GAS2L3: variants seen among roughly 807,000 people sequenced by gnomAD.
GAS2L3 encodes the protein growth arrest specific 2 like 3, also known as GAS2-like protein 3.
In GAS2L3, 28 loss-of-function variants were observed where a neutral mutation model predicts 37.0. The ratio of observed to expected loss-of-function variants is 0.76; its 90% CI spans 0.56 to 1.04. The LOEUF (loss-of-function observed/expected upper bound fraction) is 1.04. Among genes scored for constraint, GAS2L3 ranks in the 50% least tolerant of loss-of-function variants. The pLI is 0.00. For synonymous variants in GAS2L3, 290 were observed against 296.6 expected, an observed-to-expected ratio of 0.98 and a Z score of 0.23; for missense variants, 793 against 817.6, an observed-to-expected ratio of 0.97 and a Z score of 0.37.
intron 1 of GAS2L3, among the ~76,000 whole-genome samples, chr12:100,580,946 G>C (rs1291015248): frequency 6.6e-6 from 1 of 152,104 alleles, no homozygotes; most frequent in Admixed American, 6.5e-5. Flanking sequence ...AAAAATCACC[G>C]ACACACTACT....
chr12:100,594,524 C>T (rs1955886426), intron 2 of GAS2L3, among the ~76,000 whole-genome samples: 1 of 151,890 alleles, frequency 6.6e-6, no homozygotes, highest in Non-Finnish European at 1.5e-5. Flanking sequence ...TTTATATTTA[C>T]ATTATATTCA....
At chr12:100,577,851 A>C (rs965500985) in intron 1 of GAS2L3, among the ~76,000 whole-genome samples, 1 of 152,256 alleles carries the variant, frequency 6.6e-6, no homozygotes, top group African/African-American at 2.4e-5. Flanking sequence ...GTGGATCAGC[A>C]AGTGCGAAGA....
At chr12:100,598,734 A>T (rs1054699787) in intron 3 of GAS2L3, among the ~76,000 whole-genome samples, 2 of 152,186 alleles carry the variant, frequency 1.3e-5, no homozygotes, top group Non-Finnish European at 2.9e-5. Flanking sequence ...CAGTTCAGCC[A>T]GTAGAAGTCC....
At chr12:100,574,092 C>T (rs1362603860) in intron 1 of GAS2L3, 1 of 152,346 alleles carries the variant, frequency 6.6e-6, no homozygotes, top group African/African-American at 2.4e-5. Flanking sequence ...TGTGGGCGAG[C>T]TCAGCTGGGG....
intron 1 of GAS2L3, among the ~76,000 whole-genome samples, chr12:100,574,333 G>GT (rs1422307188): frequency 1.3e-5 from 2 of 152,188 alleles, no homozygotes; most frequent in Admixed American, 6.5e-5. Flanking sequence ...GCTCTTCCCT[G>GT]TTTTTTCTCC....
In GAS2L3 at chr12:100,618,469, T is replaced by C; in HGVS notation, c.530T>C (p.Val177Ala). Residue 177 changes from valine to alanine, a missense_variant, in exon 8 of 10, where the codon GTG (valine) becomes GCG (alanine). Transcript: ENST00000547754. ...IVSRYGVEPP[V>A]LVKLEKEIEL... ...TTCAGATACGGGGTTGAGCCACCAG[T>C]GTTAGTAAAACTTGAGAAAGAAATT... is the stretch of plus-strand genomic sequence containing the variant. 6.2e-7 allele frequency: 1 copy of C among 1,611,038 alleles called. No individual in the cohort carries two copies. The highest frequency in any genetic ancestry group is 8.5e-7 in the Non-Finnish European group (1 of 1,178,692).
chr12:100,624,328 C>A lies in GAS2L3; in HGVS notation c.1523C>A (p.Pro508His), dbSNP rs917825499. The A allele has an allele frequency of 6.2e-7, 1 of 1,613,882 alleles. No homozygotes were observed. Among genetic ancestry groups the A allele is most frequent in the African/African-American group, 1.3e-5 (1 of 74,894 alleles). The change falls in exon 10 of 10, where the codon CCT becomes CAT. Residue 508 changes from proline (P) to histidine (H), a missense_variant. Physicochemically the swap from Pro to His is moderately conservative, Grantham distance 77. Coordinates refer to ENST00000547754, the MANE Select transcript of GAS2L3 (RefSeq NM_174942.3). ...KCPKLPKANIPVRPKPSFQSS... is the reference protein window; with the variant it reads ...KCPKLPKANIHVRPKPSFQSS... Reference sequence around the variant, plus strand: ...CCCAAGCTGCCTAAAGCAAATATACCTGTAAGACCTAAACCTTCTTTCCAG... The same window carrying A: ...CCCAAGCTGCCTAAAGCAAATATACATGTAAGACCTAAACCTTCTTTCCAG...
intron 5 of GAS2L3, among the ~76,000 whole-genome samples, chr12:100,606,269 T>C (rs112882876): frequency 2.0e-5 from 3 of 152,238 alleles, no homozygotes; most frequent in South Asian, 2.1e-4. Context: ...CTTATGGGTT[T>C]TGTCTTAGAA....
At chr12:100,595,025 GT>G (rs1365972381) in intron 3 of GAS2L3, 103 bp downstream of exon 3, 2 of 489,344 alleles carry the variant, frequency 4.1e-6, no homozygotes, top group Admixed American at 4.3e-5. Context: ...TATTGTGCTA[GT>G]TTTTTTAAGC....
chr12:100,626,095 T>C lies in GAS2L3; in HGVS notation c.*1205T>C, dbSNP rs1393019518. The C allele has an allele frequency of 6.6e-6, 1 of 152,174 alleles. No homozygotes were observed. The highest frequency in any genetic ancestry group is 1.5e-5 in the Non-Finnish European group (1 of 68,016). 9.4% of individuals were successfully genotyped at this position (152,174 alleles called of 1,614,324 possible). On this transcript the variant is annotated 3_prime_UTR_variant, in exon 10 of 10. Coordinates refer to ENST00000547754, the MANE Select transcript of GAS2L3 (RefSeq NM_174942.3). ...AATTTATTTTTAAGGGATGGTGACT[T>C]TAAAAATTATTAATGAACTTTGAGA...
chr12:100,579,964 C>T (rs1261741789), intron 1 of GAS2L3: 5 of 824,160 alleles, frequency 6.1e-6, no homozygotes, highest in African/African-American at 1.7e-5. Flanking sequence ...TCTGTGTTGC[C>T]AATGGACAAA....
intron 5 of GAS2L3, among the ~76,000 whole-genome samples, chr12:100,603,420 T>C (rs1231524441): frequency 6.6e-6 from 1 of 152,214 alleles, no homozygotes; most frequent in Non-Finnish European, 1.5e-5. Flanking sequence ...ATATACCTGT[T>C]TGCCATTTGT....
At chr12:100,588,197 G>T (rs1955803993) in intron 1 of GAS2L3, among the ~76,000 whole-genome samples, 1 of 152,222 alleles carries the variant, frequency 6.6e-6, no homozygotes, top group Non-Finnish European at 1.5e-5. Context: ...AAATATTGGG[G>T]GAACCCACCC....
chr12:100,599,932 A>G (rs1007901178), intron 3 of GAS2L3, among the ~76,000 whole-genome samples: 2 of 152,202 alleles, frequency 1.3e-5, no homozygotes, highest in African/African-American at 4.8e-5. Flanking sequence ...GAATATTGAA[A>G]ATGTCTTGGC....
intron 1 of GAS2L3, among the ~76,000 whole-genome samples, chr12:100,585,058 T>A (rs929703247): frequency 6.8e-6 from 1 of 147,906 alleles, no homozygotes; most frequent in Non-Finnish European, 1.5e-5. Context: ...CTGGCTATTT[T>A]TTTTTTTTTT....
Position 100,601,896 on chromosome 12 carries a change from GA to G in GAS2L3, c.303+148del, listed in dbSNP as rs1593174872. 5 of 432,608 alleles carry G rather than the reference GA, an allele frequency of 1.2e-5. No homozygotes were observed. In the East Asian group the frequency reaches 1.4e-4, roughly 12 times the overall value. The allele number at this position is 432,608 out of a possible 1,614,324, so 26.8% of individuals were successfully genotyped here. A position where few individuals can be genotyped will look rare whatever the true frequency, so the allele number is the denominator to read the frequency against. Reference sequence around the variant, plus strand: ...TTTACTTAACCCTTTTCAAGATCTGGAAAAATGTTCTCTTTCATAAAATGAG... The same window carrying G: ...TTTACTTAACCCTTTTCAAGATCTGGAAAATGTTCTCTTTCATAAAATGAG... On this transcript the variant is annotated intron_variant, in intron 5 of 9. Transcript: ENST00000547754.
At chr12:100,593,164 A>T (rs888151639) in intron 2 of GAS2L3, among the ~76,000 whole-genome samples, 1 of 152,136 alleles carries the variant, frequency 6.6e-6, no homozygotes, top group Non-Finnish European at 1.5e-5. Flanking sequence ...TATCTGTTAT[A>T]TAGTGAGTAC....
chr12:100,575,545 G>T (rs1453224310), intron 1 of GAS2L3, among the ~76,000 whole-genome samples: 2 of 142,928 alleles, frequency 1.4e-5, no homozygotes, highest in Non-Finnish European at 3.0e-5. Context: ...GCAGTGGCGC[G>T]ATCTCGGCTC....
rs751887763 is a variant in GAS2L3, at chr12:100,624,727, C to G, written c.1922C>G (p.Ser641Ter). Residue 641 changes from serine to a stop codon, truncating the protein, a stop_gained, in exon 10 of 10, where the codon TCA (serine) becomes TGA (stop). Coordinates refer to ENST00000547754, the MANE Select transcript of GAS2L3 (RefSeq NM_174942.3). LOFTEE classifies it low-confidence loss of function (END_TRUNC). ...CAGACTGTCGCTAAGAGCCAGCATT[C>G]AACTAAAGGGCCTCCCAGAAGTGGC... is the stretch of plus-strand genomic sequence containing the variant. ...SAQTVAKSQH[S>*]TKGPPRSGKT... The G allele has an allele frequency of 9.3e-6, 15 of 1,613,988 alleles. No individual in the cohort carries two copies. The highest frequency in any genetic ancestry group is 1.3e-5 in the Non-Finnish European group (15 of 1,180,016).
Sources: gnomAD v4.1 joint callset for allele counts (sites outside exome capture counted in the v4.1 genomes callset) on GRCh38, gnomAD v4.1.1 for gene constraint, MANE v1.5 for transcripts, NCBI Gene and HGNC (gene_info 2026-07-23, HGNC 2026-07-21) for gene names.